The following PTPRD variants were observed in gnomAD, a reference collection of about 807,000 sequenced individuals.
PTPRD encodes the protein protein tyrosine phosphatase receptor type D.
A neutral mutation model predicts 214.5 loss-of-function variants in PTPRD; 34 were observed. The ratio of observed to expected loss-of-function variants is 0.16; its 90% CI spans 0.12 to 0.21. PTPRD has a LOEUF of 0.21. Among genes scored for constraint, PTPRD ranks in the 10% least tolerant of loss-of-function variants. PTPRD has a pLI of 1.00. For synonymous variants in PTPRD, 1,128 were observed against 845.7 expected (o/e 1.33, Z -5.79); for missense variants, 2,545 against 2,398.7 (o/e 1.06, Z -1.27).
chr9:8,772,427 C>A (rs936079776), intron 11 of PTPRD, among the ~76,000 whole-genome samples: 1 of 151,768 alleles, frequency 6.6e-6, no homozygotes, highest in African/African-American at 2.4e-5. Context: ...AGCAGAAGAA[C>A]TGCTTGAGAC....
At chr9:10,119,703 G>A (rs148109595) in intron 3 of PTPRD, among the ~76,000 whole-genome samples, 2 of 151,956 alleles carry the variant, frequency 1.3e-5, no homozygotes, top group South Asian at 2.1e-4. Flanking sequence ...ATGCAAAACT[G>A]ATGTGTTCCA....
At chr9:8,900,134 A>T (rs2098655703) in intron 11 of PTPRD, among the ~76,000 whole-genome samples, 1 of 152,206 alleles carries the variant, frequency 6.6e-6, no homozygotes, top group African/African-American at 2.4e-5. Flanking sequence ...GCGGACTTAT[A>T]TGACATACTA....
chr9:9,595,191 A>C (rs1000701528), intron 7 of PTPRD, among the ~76,000 whole-genome samples: 1 of 150,984 alleles, frequency 6.6e-6, no homozygotes, highest in Non-Finnish European at 1.5e-5. Context: ...TTCCTTAAAT[A>C]ACTAAAAGTA....
intron 12 of PTPRD, among the ~76,000 whole-genome samples, chr9:8,671,842 T>C (rs1280303202): frequency 6.6e-6 from 1 of 152,212 alleles, no homozygotes; most frequent in African/African-American, 2.4e-5. Context: ...CCTATTTTTA[T>C]ACTTTGCACT....
intron 14 of PTPRD, among the ~76,000 whole-genome samples, chr9:8,543,970 A>G (rs1037155488): frequency 6.6e-6 from 1 of 152,042 alleles, no homozygotes; most frequent in African/African-American, 2.4e-5. Context: ...TCAGCCTCCC[A>G]AAATGTTGAG....
chr9:8,963,426 A>C (rs1335905977), intron 11 of PTPRD, among the ~76,000 whole-genome samples: 2 of 152,102 alleles, frequency 1.3e-5, no homozygotes, highest in African/African-American at 4.8e-5. Flanking sequence ...TGCATTTTGT[A>C]TGTGTTATAT....
At position 9,342,368 on chromosome 9, in the gene PTPRD, T is replaced by A. The variant is rs1483915521; in HGVS notation, c.-203+55081A>T. Among the ~76,000 whole-genome samples the A allele has an allele frequency of 2.0e-5, 3 of 152,276 alleles. No individual in the cohort carries two copies. In the East Asian group the frequency reaches 5.8e-4, roughly 29 times the overall value. ...AGATGGGGAAAATAAATTTGTATACTATTTTTTGTTTAAGATGATGATACA... is the reference window on the plus strand; with the variant it reads ...AGATGGGGAAAATAAATTTGTATACAATTTTTTGTTTAAGATGATGATACA... On this transcript the variant is annotated intron_variant, in intron 9 of 45. Transcript: ENST00000381196.
At chr9:9,784,799 A>G (rs1256341641) in intron 5 of PTPRD, among the ~76,000 whole-genome samples, 1 of 150,648 alleles carries the variant, frequency 6.6e-6, no homozygotes, top group African/African-American at 2.4e-5. Context: ...ATATGTTTAT[A>G]TCTATATCAT....
chr9:8,618,759 C>G (rs183772413), intron 14 of PTPRD, among the ~76,000 whole-genome samples: 1 of 151,734 alleles, frequency 6.6e-6, no homozygotes, highest in Non-Finnish European at 1.5e-5. Flanking sequence ...TGCAGTGGTG[C>G]GATCTTGACT....
chr9:8,500,711 C>T (rs370760270), intron 24 of PTPRD, 43 bp downstream of exon 24: 1 of 1,588,836 alleles, frequency 6.3e-7, no homozygotes, highest in South Asian at 1.1e-5. Context: ...CAGATCAAGA[C>T]TGTGTCAGAA....
Position 10,612,956 on chromosome 9 carries a change from C to G in PTPRD, c.-976G>C, listed in dbSNP as rs1200076587. Among the ~76,000 whole-genome samples, 1 of 151,314 alleles carries G rather than the reference C, an allele frequency of 6.6e-6. No individual in the cohort carries two copies. The highest frequency in any genetic ancestry group is 1.5e-5 in the Non-Finnish European group (1 of 67,730). Reference sequence around the variant, plus strand: ...GGGAGCCGAGGCGGCCGCTCCCGCACTCGCTCGCTCGCTCGCTGGCGCTCC... The same window carrying G: ...GGGAGCCGAGGCGGCCGCTCCCGCAGTCGCTCGCTCGCTCGCTGGCGCTCC... On this transcript the variant is annotated 5_prime_UTR_variant, in exon 1 of 46. Coordinates refer to ENST00000381196, the MANE Select transcript of PTPRD (RefSeq NM_002839.4).
intron 7 of PTPRD, among the ~76,000 whole-genome samples, chr9:9,674,336 AG>A: frequency 6.6e-6 from 1 of 151,920 alleles, no homozygotes; most frequent in South Asian, 2.1e-4. Flanking sequence ...GAATCAAAGT[AG>A]GTTACAGGAC....
At chr9:9,558,001 A>C (rs2081959204) in intron 8 of PTPRD, among the ~76,000 whole-genome samples, 1 of 152,214 alleles carries the variant, frequency 6.6e-6, no homozygotes, top group Non-Finnish European at 1.5e-5. Context: ...CATGCACAGC[A>C]CACAGCCAGC....
At chr9:9,906,949 G>A (rs2077733790) in intron 5 of PTPRD, among the ~76,000 whole-genome samples, 2 of 151,834 alleles carry the variant, frequency 1.3e-5, no homozygotes, top group Admixed American at 1.3e-4. Flanking sequence ...CAGCCATACT[G>A]ACAAAAGTGA....
At chr9:10,503,384 T>C (rs375584817) in intron 2 of PTPRD, among the ~76,000 whole-genome samples, 2 of 151,938 alleles carry the variant, frequency 1.3e-5, no homozygotes, top group South Asian at 2.1e-4. Flanking sequence ...TTTTCAATGG[T>C]AATAAATACC....
chr9:8,481,737 T>C lies in PTPRD; in HGVS notation c.3413+2382A>G, dbSNP rs535355298. Among the ~76,000 whole-genome samples, 19 of 152,256 alleles carry C rather than the reference T, an allele frequency of 1.2e-4. No individual in the cohort carries two copies. The East Asian group carries it at 2.7e-3, about 22-fold the overall frequency. ...GATTCTGTCTTCTTCCACGAAACCA[T>C]TGCTATTTTGTTAACAACTCCTAAA... is the stretch of plus-strand genomic sequence containing the variant. On this transcript the variant is annotated intron_variant, in intron 30 of 45. Transcript: ENST00000381196.
intron 3 of PTPRD, among the ~76,000 whole-genome samples, chr9:10,307,910 G>A (rs1362080436): frequency 2.0e-5 from 3 of 151,368 alleles, no homozygotes; most frequent in Admixed American, 6.6e-5. Flanking sequence ...GTTTTTATTG[G>A]GATTATTTGA....
intron 11 of PTPRD, among the ~76,000 whole-genome samples, chr9:8,996,642 G>C (rs2099397906): frequency 5.9e-5 from 9 of 152,024 alleles, no homozygotes; most frequent in Admixed American, 5.9e-4. Context: ...TGTCTGGTGA[G>C]GGCCTGTTCC....
chr9:8,439,699 T>C (rs905753659), intron 34 of PTPRD, among the ~76,000 whole-genome samples: 3 of 152,108 alleles, frequency 2.0e-5, no homozygotes, highest in Non-Finnish European at 4.4e-5. Context: ...TTCAAAATAT[T>C]GTTACACAAT....
Sources: gnomAD v4.1 joint callset for allele counts (sites outside exome capture counted in the v4.1 genomes callset) on GRCh38, gnomAD v4.1.1 for gene constraint, MANE v1.5 for transcripts, NCBI Gene and HGNC (gene_info 2026-07-23, HGNC 2026-07-21) for gene names.